GEMIN5: variants seen among roughly 807,000 people sequenced by gnomAD.
The protein encoded by GEMIN5 is gem-associated protein 5.
GEMIN5 carries 124 observed loss-of-function variants against 176.9 expected under a neutral mutation model. The observed-to-expected ratio is 0.70, with a 90% confidence interval of 0.61 to 0.81. The LOEUF (loss-of-function observed/expected upper bound fraction) is 0.81. Ranked by LOEUF, GEMIN5 falls within the 40% of genes least tolerant of loss-of-function variation. The pLI, the probability that GEMIN5 is intolerant of heterozygous loss-of-function variation, is 0.00. For missense variants in GEMIN5, 1,843 were observed against 1,814.6 expected, an observed-to-expected ratio of 1.02 and a Z score of -0.28; for synonymous variants, 673 against 665.2, an observed-to-expected ratio of 1.01 and a Z score of -0.18.
intron 5 of GEMIN5, 62 bp downstream of exon 5, chr5:154,931,396 G>C (rs1424604153): frequency 2.6e-6 from 4 of 1,516,060 alleles, no homozygotes; most frequent in Non-Finnish European, 3.6e-6. Context: ...AATAAGAACA[G>C]AAAACCCTCT....
chr5:154,926,082 G>A lies in GEMIN5; in HGVS notation c.1081-8C>T, dbSNP rs1454822532. The A allele has an allele frequency of 4.4e-6, 7 of 1,575,528 alleles. No individual in the cohort carries two copies. The highest frequency in any genetic ancestry group is 6.1e-6 in the Non-Finnish European group (7 of 1,145,282). ...TATGTCCCAACATTTTACCTGCAAA[G>A]ATTAACGGTAAGGGCCTAAACATAA... On this transcript the variant is annotated splice_region_variant and splice_polypyrimidine_tract_variant and intron_variant, in intron 7 of 27. Transcript: ENST00000285873.
chr5:154,917,180 C>G lies in GEMIN5; in HGVS notation c.1674-1G>C, dbSNP rs1320666096. 1 of 1,479,220 alleles carries G rather than the reference C, an allele frequency of 6.8e-7. No homozygotes were observed. Among genetic ancestry groups the G allele is most frequent in the Non-Finnish European group, 9.1e-7 (1 of 1,093,392 alleles). The allele number at this position is 1,479,220 out of a possible 1,614,324, so 91.6% of individuals were successfully genotyped here. On this transcript the variant is annotated splice_acceptor_variant, in intron 12 of 27. Transcript: ENST00000285873. LOFTEE classifies it high-confidence loss of function. ...GGGAATCTGAAATATTTCTATTGAT[C>G]TGGAATAAGAAACACATCAAAACAA...
Position 154,932,257 on chromosome 5 carries a change from A to T in GEMIN5, c.510-7T>A. 6.3e-7 allele frequency: 1 copy of T among 1,595,596 alleles called. No homozygotes were observed. Among genetic ancestry groups the T allele is most frequent in the Non-Finnish European group, 8.6e-7 (1 of 1,166,948 alleles). On this transcript the variant is annotated splice_region_variant and splice_polypyrimidine_tract_variant and intron_variant, in intron 3 of 27. Transcript: ENST00000285873. ...CACTATGCCATCCTTGTAGCTAAAA[A>T]ACAAGAGTTAGAAATATTACTAAAA...
intron 27 of GEMIN5, 63 bp downstream of exon 27, chr5:154,889,258 T>C: frequency 1.2e-6 from 1 of 813,632 alleles, no homozygotes; most frequent in East Asian, 2.5e-5. Flanking sequence ...TATAAGAATG[T>C]GGTATAGTCA....
chr5:154,894,808 G>A (rs1309987812), intron 24 of GEMIN5, among the ~76,000 whole-genome samples: 2 of 152,128 alleles, frequency 1.3e-5, no homozygotes, highest in African/African-American at 2.4e-5. Flanking sequence ...CCGGGAGGCT[G>A]AGGCAAGAGA....
At chr5:154,925,473 T>C (rs1251623886) in intron 8 of GEMIN5, among the ~76,000 whole-genome samples, 1 of 152,246 alleles carries the variant, frequency 6.6e-6, no homozygotes, top group African/African-American at 2.4e-5. Flanking sequence ...CTGCTTTCCA[T>C]GTTTTATAAT....
chr5:154,930,482 A>G (rs1764138006), intron 5 of GEMIN5, among the ~76,000 whole-genome samples: 1 of 152,260 alleles, frequency 6.6e-6, no homozygotes, highest in Non-Finnish European at 1.5e-5. Flanking sequence ...AATGTGGGAC[A>G]TACACACAAT....
In GEMIN5 at chr5:154,896,303, C is replaced by T. The variant is rs138828203; in HGVS notation, c.3386G>A (p.Arg1129Lys). The change falls in exon 24 of 28, where the codon AGG becomes AAG. Residue 1129 changes from arginine (R) to lysine (K), a missense_variant. Physicochemically the swap from Arg to Lys is conservative, Grantham distance 26. Coordinates refer to ENST00000285873, the MANE Select transcript of GEMIN5 (RefSeq NM_015465.5). The stretch of plus-strand genomic sequence containing the variant: ...TGAAAGCTGCTTTTCCTCCAGATGC[C>T]TGGACAGTAGCTCCAGAAGGCAAAA... Reference protein sequence around the residue: ...LVFCLLELLSRHLEEKQLSEG... With the variant: ...LVFCLLELLSKHLEEKQLSEG... 2.5e-4 allele frequency: 408 copies of T among 1,604,212 alleles called. 1 individual carries two copies. The African/African-American group carries it at 5.0e-3, about 20-fold the overall frequency.
intron 17 of GEMIN5, among the ~76,000 whole-genome samples, chr5:154,905,018 C>T (rs1261927918): frequency 1.3e-5 from 2 of 152,152 alleles, no homozygotes; most frequent in East Asian, 3.9e-4. Context: ...CATGGTGAAT[C>T]CCCGTCTCTA....
intron 24 of GEMIN5, 64 bp downstream of exon 24, chr5:154,896,028 G>A: frequency 6.4e-7 from 1 of 1,569,564 alleles, no homozygotes. Flanking sequence ...CGTTACAATA[G>A]ACATGGATTA....
Position 154,932,259 on chromosome 5 carries a change from C to T in GEMIN5, c.510-9G>A, listed in dbSNP as rs1764184682. 1.3e-6 allele frequency: 2 copies of T among 1,593,724 alleles called. No homozygotes were observed. The highest frequency in any genetic ancestry group is 3.4e-4 in the Middle Eastern group (2 of 5,970). ...CTATGCCATCCTTGTAGCTAAAAAA[C>T]AAGAGTTAGAAATATTACTAAAAAA... On this transcript the variant is annotated splice_polypyrimidine_tract_variant and intron_variant, in intron 3 of 27. Coordinates refer to ENST00000285873, the MANE Select transcript of GEMIN5 (RefSeq NM_015465.5).
chr5:154,921,434 G>A lies in GEMIN5; in HGVS notation c.1380-9C>T. 8.1e-7 allele frequency: 1 copy of A among 1,231,846 alleles called. No homozygotes were observed. Among genetic ancestry groups the A allele is most frequent in the Non-Finnish European group, 1.2e-6 (1 of 860,868 alleles). 76.3% of individuals were successfully genotyped at this position (1,231,846 alleles called of 1,614,324 possible). A position where few individuals can be genotyped will look rare whatever the true frequency, so the allele number is the denominator to read the frequency against. On this transcript the variant is annotated splice_polypyrimidine_tract_variant and intron_variant, in intron 9 of 27. Coordinates refer to ENST00000285873, the MANE Select transcript of GEMIN5 (RefSeq NM_015465.5). The stretch of plus-strand genomic sequence containing the variant: ...TAGAAATCTGTGGAGGCCTTTAGAA[G>A]AGCAGGGAGAGAGAACAAATGGAGA...
At position 154,919,982 on chromosome 5, in the gene GEMIN5, G is replaced by A; in HGVS notation, c.1584C>T (p.Asp528=). ...EAFDINKLIR[D]TNSIKYKLPV... ...AAGAACTCACTTTGATTGAATTGGT[G>A]TCCCTGATGAGTTTGTTGATGTCAA... Residue 528 remains aspartate (D), a synonymous_variant, in exon 11 of 28, where the codon GAC becomes GAT. Coordinates refer to ENST00000285873, the MANE Select transcript of GEMIN5 (RefSeq NM_015465.5). 6.2e-7 allele frequency: 1 copy of A among 1,613,416 alleles called. No individual in the cohort carries two copies. The highest frequency in any genetic ancestry group is 8.5e-7 in the Non-Finnish European group (1 of 1,179,636).
chr5:154,904,668 T>C lies in GEMIN5; in HGVS notation c.2510-39A>G, dbSNP rs367753782. 12 of 1,545,702 alleles carry C rather than the reference T, an allele frequency of 7.8e-6. No homozygotes were observed. The African/African-American group carries it at 1.6e-4, about 21-fold the overall frequency. On this transcript the variant is annotated intron_variant, in intron 17 of 27. Coordinates refer to ENST00000285873, the MANE Select transcript of GEMIN5 (RefSeq NM_015465.5). ...AAGTACATACTATCTGAAGGAGAAC[T>C]GATCAGAAACATAAAACGGAATGCC...
Position 154,907,842 on chromosome 5 carries a change from T to G in GEMIN5, c.2168-24A>C, listed in dbSNP as rs1273602854. Reference sequence around the variant, plus strand: ...GCCTACAAGAATCACAATAAAGGACTGACTAAAGTATACATTCTTGGTTAA... The same window carrying G: ...GCCTACAAGAATCACAATAAAGGACGGACTAAAGTATACATTCTTGGTTAA... On this transcript the variant is annotated intron_variant, in intron 15 of 27. Transcript: ENST00000285873. 2.6e-6 allele frequency: 4 copies of G among 1,545,626 alleles called. No individual in the cohort carries two copies. In the Admixed American group the frequency reaches 5.1e-5, roughly 20 times the overall value.
intron 6 of GEMIN5, 143 bp downstream of exon 6, chr5:154,928,384 C>T (rs1764088784): frequency 1.4e-6 from 1 of 712,090 alleles, no homozygotes; most frequent in Non-Finnish European, 2.4e-6. Context: ...GTAGATAGCA[C>T]AGGCATTAGT....
intron 3 of GEMIN5, among the ~76,000 whole-genome samples, 189 bp downstream of exon 3, chr5:154,935,643 TGGAAACCAA>T (rs1296674554): frequency 1.3e-5 from 2 of 151,962 alleles, no homozygotes; most frequent in Non-Finnish European, 2.9e-5. Flanking sequence ...TACAGTACCA[TGGAAACCAA>T]GGAAACAAAA....
intron 24 of GEMIN5, among the ~76,000 whole-genome samples, chr5:154,893,993 G>A (rs1281793049): frequency 6.6e-6 from 1 of 152,186 alleles, no homozygotes; most frequent in African/African-American, 2.4e-5. Context: ...TACCCAGGCT[G>A]TAGTGCAGTG....
At chr5:154,916,928 TAAC>T (rs1763820976) in intron 13 of GEMIN5, 67 bp downstream of exon 13, 2 of 789,976 alleles carry the variant, frequency 2.5e-6, no homozygotes, top group South Asian at 7.3e-5. Context: ...AAGTAAAAAG[TAAC>T]AAAGATTAGA....
Sources: allele counts gnomAD v4.1 joint callset (sites outside exome capture counted in the v4.1 genomes callset), GRCh38; gene constraint gnomAD v4.1.1; transcripts MANE v1.5; gene names NCBI Gene and HGNC (gene_info 2026-07-23, HGNC 2026-07-21).